PAPPA: variants seen among roughly 807,000 people sequenced by gnomAD.
PAPPA encodes the protein pappalysin 1, also known as pappalysin-1.
In PAPPA, 60 loss-of-function variants were observed where a neutral mutation model predicts 164.0. That is an observed-to-expected ratio of 0.37 (90% confidence interval 0.30 to 0.45). The LOEUF (loss-of-function observed/expected upper bound fraction) is 0.45, where lower values mean the gene tolerates loss of function less well. Ranked by LOEUF, PAPPA falls within the 20% of genes least tolerant of loss-of-function variation. The probability of loss-of-function intolerance (pLI) is 1.00; values close to 1 mark genes in which losing one functional copy is unlikely to be tolerated. For missense variants in PAPPA, 1,782 were observed against 2,087.3 expected (o/e 0.85, Z 2.85); for synonymous variants, 875 against 814.1 (o/e 1.07, Z -1.27).
chr9:116,393,076 G>A (rs1218565991), intron 21 of PAPPA, among the ~76,000 whole-genome samples: 1 of 152,134 alleles, frequency 6.6e-6, no homozygotes, highest in East Asian at 1.9e-4. Flanking sequence ...CCCCAGCATA[G>A]CCAGAGTGCC....
chr9:116,211,553 T>C (rs1844307157), intron 3 of PAPPA, 86 bp from the exon 4 acceptor site: 14 of 1,208,036 alleles, frequency 1.2e-5, no homozygotes, highest in Admixed American at 1.9e-5. Flanking sequence ...TTGGGCAGCA[T>C]CTCTTTATCC....
chr9:116,391,511 A>G (rs1177680118), intron 21 of PAPPA, among the ~76,000 whole-genome samples: 1 of 152,162 alleles, frequency 6.6e-6, no homozygotes, highest in African/African-American at 2.4e-5. Context: ...GTCAGAATCC[A>G]GCCCCTGCAT....
intron 6 of PAPPA, among the ~76,000 whole-genome samples, chr9:116,230,658 C>T (rs1038073177): frequency 6.6e-6 from 1 of 152,170 alleles, no homozygotes; most frequent in African/African-American, 2.4e-5. Flanking sequence ...TGGAAATCTA[C>T]TGCATTTCAT....
At chr9:116,320,975 G>C (rs547745474) in intron 10 of PAPPA, among the ~76,000 whole-genome samples, 2 of 151,904 alleles carry the variant, frequency 1.3e-5, no homozygotes, top group East Asian at 3.9e-4. Flanking sequence ...AGTTGTGTTT[G>C]TTCATTATAT....
At position 116,400,120 on chromosome 9, in the gene PAPPA, A is replaced by C. The variant is rs573284985; in HGVS notation, c.*3504A>C. On this transcript the variant is annotated 3_prime_UTR_variant, in exon 22 of 22. Transcript: ENST00000328252. Reference sequence around the variant, plus strand: ...TTTTTTTCTGGAACTACTTCAAGTGAGAAAATAAAAAAAAATGGTGACAAA... The same window carrying C: ...TTTTTTTCTGGAACTACTTCAAGTGCGAAAATAAAAAAAAATGGTGACAAA... The C allele has an allele frequency of 5.2e-5, 8 of 152,570 alleles. No homozygotes were observed. The highest frequency in any genetic ancestry group is 1.0e-4 in the Non-Finnish European group (7 of 68,042). The allele number at this position is 152,570 out of a possible 1,614,324, so 9.5% of individuals were successfully genotyped here. A position where few individuals can be genotyped will look rare whatever the true frequency, so the allele number is the denominator to read the frequency against.
chr9:116,367,608 C>T (rs769335706), intron 18 of PAPPA, 37 bp from the exon 19 acceptor site: 13 of 1,500,792 alleles, frequency 8.7e-6, no homozygotes, highest in African/African-American at 1.4e-5. Flanking sequence ...TTGAGGGTCT[C>T]GGGCCTGAGC....
At chr9:116,293,415 G>C (rs1273873698) in intron 9 of PAPPA, among the ~76,000 whole-genome samples, 1 of 152,228 alleles carries the variant, frequency 6.6e-6, no homozygotes, top group South Asian at 2.1e-4. Flanking sequence ...ATGCAGAAAA[G>C]TGAGAGATGT....
intron 5 of PAPPA, among the ~76,000 whole-genome samples, chr9:116,223,209 C>T (rs1412689298): frequency 6.6e-6 from 1 of 152,140 alleles, no homozygotes. Flanking sequence ...TGGGAAACCT[C>T]GTGTGACACT....
chr9:116,257,311 G>A (rs1844938955), intron 7 of PAPPA, among the ~76,000 whole-genome samples: 1 of 151,966 alleles, frequency 6.6e-6, no homozygotes, highest in Non-Finnish European at 1.5e-5. Flanking sequence ...AGTAAACTGG[G>A]AATAAGTACA....
chr9:116,161,476 T>A (rs942692217), intron 1 of PAPPA, among the ~76,000 whole-genome samples: 1 of 152,224 alleles, frequency 6.6e-6, no homozygotes, highest in Non-Finnish European at 1.5e-5. Context: ...TTATTCCACT[T>A]AAATTGTGTG....
intron 19 of PAPPA, among the ~76,000 whole-genome samples, chr9:116,374,203 G>C (rs936834976): frequency 1.1e-4 from 9 of 80,892 alleles, no homozygotes; most frequent in Non-Finnish European, 2.6e-4. Flanking sequence ...GATGATGGTG[G>C]TGCCAATGGT....
chr9:116,333,091 C>T (rs1282535571), intron 12 of PAPPA, among the ~76,000 whole-genome samples: 1 of 152,040 alleles, frequency 6.6e-6, no homozygotes, highest in African/African-American at 2.4e-5. Context: ...CTGGACTTGG[C>T]CACTTGTACC....
At chr9:116,279,210 G>T (rs1374933697) in intron 9 of PAPPA, among the ~76,000 whole-genome samples, 4 of 152,160 alleles carry the variant, frequency 2.6e-5, no homozygotes, top group Non-Finnish European at 5.9e-5. Flanking sequence ...ATCAGGGCTT[G>T]GGGAAGAGAA....
At chr9:116,180,180 A>G (rs1489669395) in intron 1 of PAPPA, among the ~76,000 whole-genome samples, 1 of 152,094 alleles carries the variant, frequency 6.6e-6, no homozygotes, top group Non-Finnish European at 1.5e-5. Context: ...ATGTGGTCTA[A>G]CACTCTTATA....
chr9:116,327,741 G>GTAAA (rs1845939312), intron 10 of PAPPA, among the ~76,000 whole-genome samples: 1 of 152,166 alleles, frequency 6.6e-6, no homozygotes, highest in African/African-American at 2.4e-5. Flanking sequence ...TATGCCCTCA[G>GTAAA]TAAATGGCTG....
chr9:116,370,094 C>T (rs976434343), intron 19 of PAPPA, among the ~76,000 whole-genome samples: 1 of 152,116 alleles, frequency 6.6e-6, no homozygotes, highest in African/African-American at 2.4e-5. Flanking sequence ...GAGGGTCTGC[C>T]TGCGAGCACC....
At chr9:116,236,080 G>A (rs1014914067) in intron 7 of PAPPA, among the ~76,000 whole-genome samples, 10 of 152,242 alleles carry the variant, frequency 6.6e-5, no homozygotes, top group African/African-American at 2.4e-4. Flanking sequence ...AGTTATAGTA[G>A]ATTGGGTGGG....
At position 116,400,878 on chromosome 9, in the gene PAPPA, C is replaced by T. The variant is rs547974841; in HGVS notation, c.*4262C>T. On this transcript the variant is annotated 3_prime_UTR_variant, in exon 22 of 22. Transcript: ENST00000328252. ...TGCTCAGTGATCTTGAACAAGTTAT[C>T]CAATTGCCTCTACATTTGCATCAGT... 96 of 152,584 alleles carry T rather than the reference C, an allele frequency of 6.3e-4. No homozygotes were observed. Among genetic ancestry groups the T allele is most frequent in the Non-Finnish European group, 1.2e-3 (81 of 68,016 alleles). The allele number at this position is 152,584 out of a possible 1,614,324, so 9.5% of individuals were successfully genotyped here.
intron 12 of PAPPA, among the ~76,000 whole-genome samples, chr9:116,333,817 T>C (rs1174303375): frequency 6.6e-6 from 1 of 152,100 alleles, no homozygotes; most frequent in Non-Finnish European, 1.5e-5. Context: ...AGGAGCTCTT[T>C]GGATCCTGGT....
Sources: allele counts gnomAD v4.1 joint callset (sites outside exome capture counted in the v4.1 genomes callset), GRCh38; gene constraint gnomAD v4.1.1; transcripts MANE v1.5; gene names NCBI Gene and HGNC (gene_info 2026-07-23, HGNC 2026-07-21).